RNF220: variants seen among roughly 807,000 people sequenced by gnomAD.
The protein encoded by RNF220 is ring finger protein 220, also known as E3 ubiquitin-protein ligase RNF220.
A neutral mutation model predicts 67.1 loss-of-function variants in RNF220; 7 were observed. The ratio of observed to expected loss-of-function variants is 0.10; its 90% confidence interval spans 0.06 to 0.20. RNF220 has a LOEUF of 0.20. RNF220 is among the 10% of genes least tolerant of loss of function. The pLI, the probability that RNF220 is intolerant of heterozygous loss-of-function variation, is 1.00. For missense variants in RNF220, 565 were observed against 740.3 expected (o/e 0.76, Z 2.75); for synonymous variants, 270 against 283.2 (o/e 0.95, Z 0.47).
chr1:44,504,533 C>T (rs1234109189), intron 2 of RNF220, among the ~76,000 whole-genome samples: 1 of 150,476 alleles, frequency 6.6e-6, no homozygotes, highest in Non-Finnish European at 1.5e-5. Flanking sequence ...TCTTAGGGAT[C>T]CGGGTTTGTG....
intron 2 of RNF220, among the ~76,000 whole-genome samples, chr1:44,503,942 T>C (rs1234255380): frequency 6.6e-6 from 1 of 152,068 alleles, no homozygotes; most frequent in Non-Finnish European, 1.5e-5. Context: ...CTCCACGTCT[T>C]GGGTTCAAGC....
chr1:44,645,565 G>C lies in RNF220; in HGVS notation c.1445+77G>C, dbSNP rs1644616729. ...GGGCCCTTTGCTAGCAGGAAGGCCTGCTGCCAGGGCTTCTGGCCCTCCCAA... is the reference window on the plus strand; with the variant it reads ...GGGCCCTTTGCTAGCAGGAAGGCCTCCTGCCAGGGCTTCTGGCCCTCCCAA... On this transcript the variant is annotated intron_variant, in intron 12 of 14. Transcript: ENST00000361799. The surrounding 1 kb of genome is among the most constrained non-coding windows in gnomAD (Gnocchi z 5.0). 6.9e-7 allele frequency: 1 copy of C among 1,444,276 alleles called. No homozygotes were observed. Among genetic ancestry groups the C allele is most frequent in the Non-Finnish European group, 9.6e-7 (1 of 1,040,702 alleles). The allele number at this position is 1,444,276 out of a possible 1,614,324, so 89.5% of individuals were successfully genotyped here.
intron 2 of RNF220, among the ~76,000 whole-genome samples, chr1:44,541,720 G>C (rs76019245): frequency 1.3e-5 from 2 of 152,306 alleles, no homozygotes; most frequent in African/African-American, 4.8e-5. Context: ...AGCCCAGGGC[G>C]CTGCAGAGCA....
chr1:44,519,696 C>CT (rs1659752896), intron 2 of RNF220, among the ~76,000 whole-genome samples: 1 of 152,244 alleles, frequency 6.6e-6, no homozygotes, highest in African/African-American at 2.4e-5. Context: ...CTTGACCCCC[C>CT]TCCCTCCATC....
At chr1:44,508,697 G>T (rs1658671365) in intron 2 of RNF220, among the ~76,000 whole-genome samples, 2 of 152,226 alleles carry the variant, frequency 1.3e-5, no homozygotes, top group African/African-American at 4.8e-5. Context: ...AGAACTGGGA[G>T]CAGGTCTTCC....
chr1:44,472,932 A>G (rs1271747820), intron 2 of RNF220, among the ~76,000 whole-genome samples: 1 of 152,146 alleles, frequency 6.6e-6, no homozygotes, highest in African/African-American at 2.4e-5. Flanking sequence ...GCTTCTCGGC[A>G]GCACTCACTT....
intron 2 of RNF220, among the ~76,000 whole-genome samples, chr1:44,610,541 G>A (rs1643248828): frequency 6.6e-6 from 1 of 152,180 alleles, no homozygotes; most frequent in African/African-American, 2.4e-5. Context: ...ATTCAACCAG[G>A]CCTGTGTGAC....
chr1:44,427,439 A>G (rs1649906434), intron 2 of RNF220, among the ~76,000 whole-genome samples: 1 of 152,118 alleles, frequency 6.6e-6, no homozygotes, highest in Non-Finnish European at 1.5e-5. Flanking sequence ...ATTTTGGCCC[A>G]CTCACAAGCC....
intron 2 of RNF220, among the ~76,000 whole-genome samples, chr1:44,413,068 G>T (rs530822072): frequency 1.3e-5 from 2 of 152,212 alleles, no homozygotes; most frequent in South Asian, 4.1e-4. Flanking sequence ...GGAATTTGGG[G>T]GGCCTAAAGA....
At chr1:44,597,511 CG>C (rs1666599966) in intron 2 of RNF220, among the ~76,000 whole-genome samples, 1 of 128,212 alleles carries the variant, frequency 7.8e-6, no homozygotes, top group South Asian at 2.5e-4. Context: ...CACACACACA[CG>C]AACCTCCCTC....
intron 2 of RNF220, among the ~76,000 whole-genome samples, chr1:44,449,597 A>G (rs1652459538): frequency 6.6e-6 from 1 of 152,034 alleles, no homozygotes; most frequent in Non-Finnish European, 1.5e-5. Context: ...TATTTTTTGT[A>G]GAGACACGGT....
chr1:44,446,432 G>A (rs1652091155), intron 2 of RNF220, among the ~76,000 whole-genome samples: 1 of 152,202 alleles, frequency 6.6e-6, no homozygotes, highest in Admixed American at 6.5e-5. Flanking sequence ...GCTAGAGAGA[G>A]TATGATTTGC....
intron 2 of RNF220, among the ~76,000 whole-genome samples, chr1:44,505,545 C>T (rs1658338207): frequency 1.3e-5 from 2 of 152,214 alleles, no homozygotes; most frequent in South Asian, 2.1e-4. Context: ...ATGGACTGCT[C>T]GCTTGCCTGA....
chr1:44,478,127 G>A (rs1161697688), intron 2 of RNF220, among the ~76,000 whole-genome samples: 1 of 152,068 alleles, frequency 6.6e-6, no homozygotes, highest in Non-Finnish European at 1.5e-5. Context: ...TACAAGGTAT[G>A]CACCACCACA....
At chr1:44,618,857 C>G (rs760000845) in intron 3 of RNF220, among the ~76,000 whole-genome samples, 18 of 152,066 alleles carry the variant, frequency 1.2e-4, no homozygotes, top group Non-Finnish European at 2.5e-4. Flanking sequence ...TGACGACAGA[C>G]CAGGTGGAGG....
chr1:44,494,505 G>A (rs755946770), intron 2 of RNF220, among the ~76,000 whole-genome samples: 12 of 151,810 alleles, frequency 7.9e-5, no homozygotes, highest in Non-Finnish European at 1.8e-4. Flanking sequence ...CATGGTACAG[G>A]CATAACATGG....
intron 2 of RNF220, among the ~76,000 whole-genome samples, chr1:44,575,256 C>T (rs1664724363): frequency 6.6e-6 from 1 of 152,204 alleles, no homozygotes; most frequent in South Asian, 2.1e-4. Flanking sequence ...TCCCACATAT[C>T]AGTGAGAACA....
intron 5 of RNF220, among the ~76,000 whole-genome samples, chr1:44,627,808 C>T (rs1644000584): frequency 6.6e-6 from 1 of 152,214 alleles, no homozygotes; most frequent in African/African-American, 2.4e-5. Flanking sequence ...TGCTGGCACA[C>T]CTGACCCTTT....
chr1:44,632,400 G>GCCCCCGGCCCCCCC lies in RNF220; in HGVS notation c.949+19_949+20insCGGCCCCCCCCCCC. ...CCGACTGAATGGTGAGTCCTGCCCGGCCCCTCCCTCCGCCCCACCCCCGGC... is the reference window on the plus strand; with the variant it reads ...CCGACTGAATGGTGAGTCCTGCCCGGCCCCCGGCCCCCCCCCCCTCCCTCCGCCCCACCCCCGGC... On this transcript the variant is annotated intron_variant, in intron 6 of 14. Transcript: ENST00000361799. 6.2e-7 allele frequency: 1 copy of GCCCCCGGCCCCCCC among 1,607,450 alleles called. No individual in the cohort carries two copies.
Sources: allele counts gnomAD v4.1 joint callset (sites outside exome capture counted in the v4.1 genomes callset), GRCh38; gene constraint gnomAD v4.1.1; non-coding constraint Gnocchi (gnomAD v3.1); transcripts MANE v1.5; gene names NCBI Gene and HGNC (gene_info 2026-07-23, HGNC 2026-07-21).